The following OR56A3 variants were observed in gnomAD, a reference collection of about 807,000 sequenced individuals.
The protein encoded by OR56A3 is olfactory receptor family 56 subfamily A member 3.
In OR56A3, 23 loss-of-function variants were observed where a neutral mutation model predicts 17.5. The ratio of observed to expected loss-of-function variants is 1.32; its 90% CI spans 0.95 to 1.87. The LOEUF (loss-of-function observed/expected upper bound fraction) is 1.87. OR56A3 is among the 40% of genes most tolerant of loss of function. OR56A3 has a pLI of 0.00. For synonymous variants in OR56A3, 175 were observed against 150.6 expected (o/e 1.16, Z -1.19); for missense variants, 366 against 380.1 (o/e 0.96, Z 0.31).
Position 5,948,198 on chromosome 11 carries a change from C to T in OR56A3, c.852C>T (p.His284=), listed in dbSNP as rs764470802. The change falls in exon 3 of 3, where the codon CAC becomes CAT. Residue 284 remains histidine, a synonymous_variant. Transcript: ENST00000641160. The part of the protein sequence containing the change: ...PDVPVLLNVL[H]HVIPAALNPI... ...TGCCAGTCTTGCTCAATGTTCTCCACCATGTCATTCCTGCAGCCCTTAACC... is the reference window on the plus strand; with the variant it reads ...TGCCAGTCTTGCTCAATGTTCTCCATCATGTCATTCCTGCAGCCCTTAACC... The T allele has an allele frequency of 3.1e-6, 5 of 1,614,120 alleles. No homozygotes were observed. Among genetic ancestry groups the T allele is most frequent in the South Asian group, 1.1e-5 (1 of 91,092 alleles).
the OR56A3 span, chr11:5,968,548 CAGG>C: frequency 7.2e-6 from 9 of 1,243,786 alleles, no homozygotes; most frequent in Non-Finnish European, 1.0e-5. Context: ...TGATAAGACA[CAGG>C]AATTAGAAAT....
At chr11:5,972,559 T>G in the OR56A3 span, among the ~76,000 whole-genome samples, 1 of 152,184 alleles carries the variant, frequency 6.6e-6, no homozygotes, top group Admixed American at 6.5e-5. Context: ...TAGAGGGTTT[T>G]ATGATCTACG....
the OR56A3 span, among the ~76,000 whole-genome samples, chr11:5,973,679 T>C: frequency 1.3e-5 from 2 of 152,212 alleles, no homozygotes; most frequent in South Asian, 4.2e-4. Flanking sequence ...TAATCCAGCA[T>C]GTTCTTAATT....
the OR56A3 span, among the ~76,000 whole-genome samples, chr11:5,988,053 A>G: frequency 3.4e-4 from 52 of 152,304 alleles, no homozygotes; most frequent in East Asian, 8.3e-3. Flanking sequence ...ATATTTCTAC[A>G]TATGTTTTAC....
At chr11:6,003,942 C>G in the OR56A3 span, among the ~76,000 whole-genome samples, 73 of 152,312 alleles carry the variant, frequency 4.8e-4, no homozygotes, top group African/African-American at 1.7e-3. Context: ...GTAAACTCAT[C>G]TGCTTTGATT....
chr11:5,966,893 A>AACACACACACACAC, the OR56A3 span, among the ~76,000 whole-genome samples: 1,085 of 147,198 alleles, frequency 7.4e-3, 14 homozygotes, highest in African/African-American at 0.026. Flanking sequence ...CACTTAAAGC[A>AACACACACACACAC]ACACACACAC....
In OR56A3 at chr11:5,944,634, T is replaced by C. The variant is rs1336916803; in HGVS notation, c.-313-172T>C. ...TCCACAGCTGAACCCTGAGAAACTG[T>C]AGGAAGACATGTAAAACCACTAAAA... On this transcript the variant is annotated intron_variant, in intron 1 of 2. Transcript: ENST00000641160. 3.9e-5 allele frequency among the ~76,000 whole-genome samples: 6 copies of C among 152,292 alleles called. No homozygotes were observed. In the South Asian group the frequency reaches 8.3e-4, roughly 21 times the overall value.
Position 5,950,338 on chromosome 11 carries a change from A to G in OR56A3, c.*2044A>G, listed in dbSNP as rs968511870. 1.3e-5 allele frequency: 2 copies of G among 152,184 alleles called. No homozygotes were observed. Among genetic ancestry groups the G allele is most frequent in the South Asian group, 2.1e-4 (1 of 4,828 alleles). The allele number at this position is 152,184 out of a possible 1,614,324, so 9.4% of individuals were successfully genotyped here. ...CTCCCTGAGATTAAGAAAATTTTCCATAAGTCTTGTCTTCCCAAAGAACAT... is the reference window on the plus strand; with the variant it reads ...CTCCCTGAGATTAAGAAAATTTTCCGTAAGTCTTGTCTTCCCAAAGAACAT... On this transcript the variant is annotated 3_prime_UTR_variant, in exon 3 of 3. Transcript: ENST00000641160.
At chr11:5,967,515 T>C in the OR56A3 span, 13 of 1,360,602 alleles carry the variant, frequency 9.6e-6, no homozygotes, top group Non-Finnish European at 1.3e-5. Context: ...CCAATATCAA[T>C]TTCTGTTTTC....
the OR56A3 span, among the ~76,000 whole-genome samples, chr11:6,006,067 G>T: frequency 6.6e-6 from 1 of 152,174 alleles, no homozygotes; most frequent in African/African-American, 2.4e-5. Flanking sequence ...ATTTTGAGGG[G>T]TGAGGAGGGC....
At chr11:5,972,621 A>T in the OR56A3 span, among the ~76,000 whole-genome samples, 2 of 152,132 alleles carry the variant, frequency 1.3e-5, no homozygotes, top group African/African-American at 4.8e-5. Context: ...TGGGAGCAGT[A>T]GTTTGGGATA....
chr11:5,968,611 T>C, the OR56A3 span: 1 of 794,652 alleles, frequency 1.3e-6, no homozygotes, highest in Non-Finnish European at 2.0e-6. Flanking sequence ...ATTTATAAAA[T>C]GTATGAGATA....
At chr11:5,998,245 T>C in the OR56A3 span, among the ~76,000 whole-genome samples, 1,747 of 152,312 alleles carry the variant, frequency 0.011, 28 homozygotes, top group African/African-American at 0.041. Flanking sequence ...GGCCAAGCTA[T>C]GACTGACCAT....
chr11:5,972,055 C>A, the OR56A3 span, among the ~76,000 whole-genome samples: 1 of 152,180 alleles, frequency 6.6e-6, no homozygotes. Flanking sequence ...CTCATTAACA[C>A]TGGAACTTGT....
chr11:5,963,473 TG>T, the OR56A3 span, among the ~76,000 whole-genome samples: 2 of 151,996 alleles, frequency 1.3e-5, no homozygotes, highest in African/African-American at 4.8e-5. Flanking sequence ...GATTTTTTGG[TG>T]TTTTTTTTTA....
the OR56A3 span, among the ~76,000 whole-genome samples, chr11:6,011,580 T>C: frequency 6.6e-6 from 1 of 152,174 alleles, no homozygotes; most frequent in Non-Finnish European, 1.5e-5. Context: ...GATGATGGCA[T>C]TTTAATCAAT....
the OR56A3 span, among the ~76,000 whole-genome samples, chr11:6,018,881 A>C: frequency 2.6e-5 from 4 of 152,106 alleles, no homozygotes; most frequent in Admixed American, 6.5e-5. Context: ...AAATATTATC[A>C]GTGACTATTG....
the OR56A3 span, among the ~76,000 whole-genome samples, chr11:5,977,955 A>C: frequency 6.6e-6 from 1 of 152,226 alleles, no homozygotes; most frequent in Admixed American, 6.5e-5. Flanking sequence ...CCATTTATCG[A>C]ATAGGGAAAC....
At chr11:5,983,414 G>C in the OR56A3 span, among the ~76,000 whole-genome samples, 1 of 150,396 alleles carries the variant, frequency 6.6e-6, no homozygotes, top group Non-Finnish European at 1.5e-5. Context: ...TATTGTTATT[G>C]TTTTCCAATT....
Sources: allele counts gnomAD v4.1 joint callset (sites outside exome capture counted in the v4.1 genomes callset), GRCh38; gene constraint gnomAD v4.1.1; transcripts MANE v1.5; gene names NCBI Gene and HGNC (gene_info 2026-07-23, HGNC 2026-07-21).